PLA2G4A: variants seen among roughly 807,000 people sequenced by gnomAD.
The protein encoded by PLA2G4A is phospholipase A2 group IVA.
In PLA2G4A, 40 loss-of-function variants were observed where a neutral mutation model predicts 81.9. The ratio of observed to expected loss-of-function variants is 0.49; its 90% CI spans 0.38 to 0.64. The LOEUF (loss-of-function observed/expected upper bound fraction) is 0.64, where lower values mean the gene tolerates loss of function less well. Ranked by LOEUF, PLA2G4A falls within the 30% of genes least tolerant of loss-of-function variation. The pLI, the probability that PLA2G4A is intolerant of heterozygous loss-of-function variation, is 0.00. For synonymous variants in PLA2G4A, 302 were observed against 296.9 expected, an observed-to-expected ratio of 1.02 and a Z score of -0.18; for missense variants, 715 against 905.1, an observed-to-expected ratio of 0.79 and a Z score of 2.69.
intron 17 of PLA2G4A, among the ~76,000 whole-genome samples, chr1:186,981,693 T>A (rs61006421): frequency 0.019 from 2,966 of 152,220 alleles, 104 homozygotes; most frequent in African/African-American, 0.068. Flanking sequence ...CCTCCCAAAC[T>A]AAAACTCTGT....
chr1:186,856,872 A>G (rs1437703768), intron 2 of PLA2G4A, among the ~76,000 whole-genome samples: 1 of 151,114 alleles, frequency 6.6e-6, no homozygotes, highest in African/African-American at 2.4e-5. Flanking sequence ...TGGAAAAAAT[A>G]AGCATATGTG....
rs983925258 is a variant in PLA2G4A, at chr1:186,906,439, A to G, written c.379-526A>G. 2.0e-5 allele frequency among the ~76,000 whole-genome samples: 3 copies of G among 152,178 alleles called. No homozygotes were observed. The East Asian group carries it at 5.8e-4, about 29-fold the overall frequency. On this transcript the variant is annotated intron_variant, in intron 5 of 17. Transcript: ENST00000367466. ...TTAGTAGATGTTTCCCGAGTCAACT[A>G]CAGTTGGCTGGATCCTAGGTCCTAC...
chr1:186,969,338 G>T (rs12568962), intron 15 of PLA2G4A, among the ~76,000 whole-genome samples: 25,927 of 151,464 alleles, frequency 0.17, 3,093 homozygotes, highest in African/African-American at 0.34. Flanking sequence ...ACAATCATAT[G>T]TGGAAAGATC....
intron 13 of PLA2G4A, among the ~76,000 whole-genome samples, chr1:186,951,244 G>A (rs2102242986): frequency 6.6e-6 from 1 of 152,212 alleles, no homozygotes; most frequent in South Asian, 2.1e-4. Flanking sequence ...TTATTTCATA[G>A]TATAAATGAG....
At chr1:186,955,669 C>A (rs6678801) in intron 13 of PLA2G4A, among the ~76,000 whole-genome samples, 144,765 of 151,132 alleles carry the variant, frequency 0.96, 69,378 homozygotes, top group East Asian at 1. Flanking sequence ...TAGGCAAATA[C>A]ACATGTTAAA....
At chr1:186,940,366 ACTC>A (rs1571423161) in intron 10 of PLA2G4A, among the ~76,000 whole-genome samples, 1 of 152,150 alleles carries the variant, frequency 6.6e-6, no homozygotes, top group East Asian at 1.9e-4. Flanking sequence ...TTAATTATCC[ACTC>A]CTCAGTAACT....
At chr1:186,857,517 T>C (rs1558368672) in intron 2 of PLA2G4A, among the ~76,000 whole-genome samples, 2 of 139,132 alleles carry the variant, frequency 1.4e-5, no homozygotes, top group African/African-American at 2.7e-5. Flanking sequence ...TAATATATAA[T>C]ATAATATAAC....
At chr1:186,934,022 T>C (rs1217535561) in intron 8 of PLA2G4A, among the ~76,000 whole-genome samples, 1 of 152,126 alleles carries the variant, frequency 6.6e-6, no homozygotes, top group Non-Finnish European at 1.5e-5. Flanking sequence ...ATATGTACCC[T>C]CAAAATGATT....
chr1:186,955,437 G>A (rs1656710651), intron 13 of PLA2G4A, among the ~76,000 whole-genome samples: 1 of 152,078 alleles, frequency 6.6e-6, no homozygotes, highest in Non-Finnish European at 1.5e-5. Context: ...GATTTTCTGT[G>A]TGTAAGTTAT....
At chr1:186,964,029 A>G (rs748552888) in intron 14 of PLA2G4A, among the ~76,000 whole-genome samples, 3 of 152,350 alleles carry the variant, frequency 2.0e-5, no homozygotes, top group East Asian at 3.9e-4. Context: ...TCTTACTTAG[A>G]AATCTATGAA....
intron 13 of PLA2G4A, among the ~76,000 whole-genome samples, chr1:186,953,776 C>G (rs540792744): frequency 1.3e-5 from 2 of 152,248 alleles, no homozygotes; most frequent in African/African-American, 4.8e-5. Flanking sequence ...GTTTGTCCCA[C>G]AAGTGATGCC....
At chr1:186,931,627 T>C (rs1394556005) in intron 7 of PLA2G4A, among the ~76,000 whole-genome samples, 1 of 151,942 alleles carries the variant, frequency 6.6e-6, no homozygotes, top group Admixed American at 6.6e-5. Context: ...TAAGTTCTTA[T>C]CTGGCTTCCT....
intron 5 of PLA2G4A, among the ~76,000 whole-genome samples, chr1:186,896,195 G>A (rs1654327159): frequency 6.6e-6 from 1 of 152,140 alleles, no homozygotes; most frequent in African/African-American, 2.4e-5. Context: ...ACATATAGAT[G>A]TGCACATGTA....
At chr1:186,866,371 G>A (rs890903653) in intron 2 of PLA2G4A, among the ~76,000 whole-genome samples, 1 of 152,184 alleles carries the variant, frequency 6.6e-6, no homozygotes, top group Non-Finnish European at 1.5e-5. Context: ...ACACAGAACA[G>A]CAAGGCTGAA....
rs1345556126 is a variant in PLA2G4A at position 186,946,892 on chromosome 1, A to G, written c.1195A>G (p.Ile399Val). ...AGGTGTCTGGGGCAGTGCCTTTTCC[A>G]TATTGTTCAACAGAGTTTTGGGCGT... ...LMGVWGSAFS[I>V]LFNRVLGVSG... The change falls in exon 12 of 18, where the codon ATA (isoleucine) becomes GTA (valine). Residue 399 changes from isoleucine (I) to valine (V), a missense_variant. Coordinates refer to ENST00000367466, the MANE Select transcript of PLA2G4A (RefSeq NM_024420.3). The G allele has an allele frequency of 6.2e-6, 10 of 1,612,378 alleles. No homozygotes were observed. Among genetic ancestry groups the G allele is most frequent in the Non-Finnish European group, 8.5e-6 (10 of 1,178,702 alleles).
At position 186,902,055 on chromosome 1, in the gene PLA2G4A, G is replaced by T. The variant is rs558647562; in HGVS notation, c.379-4910G>T. 6.6e-5 allele frequency among the ~76,000 whole-genome samples: 10 copies of T among 152,268 alleles called. No homozygotes were observed. The South Asian group carries it at 1.5e-3, about 22-fold the overall frequency. On this transcript the variant is annotated intron_variant, in intron 5 of 17. Coordinates refer to ENST00000367466, the MANE Select transcript of PLA2G4A (RefSeq NM_024420.3). ...TACACAAACCTAGATGGTACAGCCTGCTATACACCTAGGCTATATGGTGTA... is the reference window on the plus strand; with the variant it reads ...TACACAAACCTAGATGGTACAGCCTTCTATACACCTAGGCTATATGGTGTA...
At chr1:186,964,069 G>A (rs1165382559) in intron 14 of PLA2G4A, among the ~76,000 whole-genome samples, 2 of 152,198 alleles carry the variant, frequency 1.3e-5, no homozygotes, top group East Asian at 1.9e-4. Flanking sequence ...GGTTCCTACT[G>A]TGTGCTGAGC....
At chr1:186,871,454 GAGAAC>G (rs112541874) in intron 3 of PLA2G4A, among the ~76,000 whole-genome samples, 3 of 152,242 alleles carry the variant, frequency 2.0e-5, no homozygotes, top group African/African-American at 7.2e-5. Flanking sequence ...TTTTGGGAAA[GAGAAC>G]AGAGATTGCA....
At chr1:186,948,136 T>C (rs912475518) in intron 12 of PLA2G4A, among the ~76,000 whole-genome samples, 3 of 152,192 alleles carry the variant, frequency 2.0e-5, no homozygotes, top group African/African-American at 7.2e-5. Context: ...CTGTAGTTCA[T>C]AATATTTTCA....
Sources: allele counts gnomAD v4.1 joint callset (sites outside exome capture counted in the v4.1 genomes callset), GRCh38; gene constraint gnomAD v4.1.1; transcripts MANE v1.5; gene names NCBI Gene and HGNC (gene_info 2026-07-23, HGNC 2026-07-21).